Variants in VAV3 observed in about 807,000 individuals in gnomAD.
VAV3 encodes the protein vav guanine nucleotide exchange factor 3.
Under a neutral mutation model 131.2 loss-of-function variants are expected in VAV3, and 94 were observed. The observed-to-expected ratio is 0.72, with a 90% CI of 0.61 to 0.85. The LOEUF is 0.85. Among genes scored for constraint, VAV3 ranks in the 40% least tolerant of loss-of-function variants. The probability of loss-of-function intolerance (pLI) is 0.00; values close to 1 mark genes in which losing one functional copy is unlikely to be tolerated. For synonymous variants in VAV3, 349 were observed against 342.0 expected, an observed-to-expected ratio of 1.02 and a Z score of -0.22; for missense variants, 939 against 1,002.7, an observed-to-expected ratio of 0.94 and a Z score of 0.86.
At chr1:107,772,694 A>G in intron 5 of VAV3, 41 bp downstream of exon 5, 2 of 1,523,298 alleles carry the variant, frequency 1.3e-6, no homozygotes, top group East Asian at 2.3e-5. Flanking sequence ...CTTTCCTAAT[A>G]AAATATTCAG....
At chr1:107,772,103 C>A (rs1437311130) in intron 5 of VAV3, among the ~76,000 whole-genome samples, 1 of 152,156 alleles carries the variant, frequency 6.6e-6, no homozygotes, top group African/African-American at 2.4e-5. Flanking sequence ...TTATTAAGAA[C>A]CTAAGCAACT....
At chr1:107,702,415 G>A (rs1325280126) in intron 17 of VAV3, among the ~76,000 whole-genome samples, 1 of 152,166 alleles carries the variant, frequency 6.6e-6, no homozygotes, top group Non-Finnish European at 1.5e-5. Flanking sequence ...CATAAGGGAA[G>A]AAACCAATAC....
chr1:107,861,576 C>T (rs934053613), intron 2 of VAV3, among the ~76,000 whole-genome samples: 1 of 151,310 alleles, frequency 6.6e-6, no homozygotes, highest in Non-Finnish European at 1.5e-5. Flanking sequence ...ATTACTCTAC[C>T]CAATCCATAT....
intron 17 of VAV3, among the ~76,000 whole-genome samples, chr1:107,692,042 A>G (rs1659461249): frequency 6.6e-6 from 1 of 152,168 alleles, no homozygotes; most frequent in South Asian, 2.1e-4. Flanking sequence ...TTCAGACTAA[A>G]CACATCAATG....
Position 107,781,956 on chromosome 1 carries a change from T to A in VAV3, c.322-2464A>T, listed in dbSNP as rs997422687. ...TTGCTAAAATACCAAAATTATTCAC[T>A]ATTAAGCGAAAAGTCTAACTTTGGG... On this transcript the variant is annotated intron_variant, in intron 2 of 26. Transcript: ENST00000370056. Among the ~76,000 whole-genome samples, 4 of 152,332 alleles carry A rather than the reference T, an allele frequency of 2.6e-5. No individual in the cohort carries two copies. The East Asian group carries it at 7.7e-4, about 29-fold the overall frequency.
intron 2 of VAV3, among the ~76,000 whole-genome samples, chr1:107,790,499 CAGAGG>C (rs1166772803): frequency 6.6e-6 from 1 of 152,122 alleles, no homozygotes; most frequent in Admixed American, 6.5e-5. Context: ...CACACAGTGC[CAGAGG>C]AGAGGAGAAG....
intron 15 of VAV3, among the ~76,000 whole-genome samples, chr1:107,741,526 A>T (rs1197862538): frequency 6.6e-6 from 1 of 152,226 alleles, no homozygotes; most frequent in Non-Finnish European, 1.5e-5. Context: ...GCATGACATA[A>T]GCCCCACTGT....
At chr1:107,621,408 G>C (rs916610004) in intron 20 of VAV3, among the ~76,000 whole-genome samples, 2 of 151,946 alleles carry the variant, frequency 1.3e-5, no homozygotes, top group Admixed American at 1.3e-4. Context: ...TCAAAACAAA[G>C]TAGTGTGTAG....
At chr1:107,843,491 AATT>A (rs1280969407) in intron 2 of VAV3, among the ~76,000 whole-genome samples, 1 of 148,894 alleles carries the variant, frequency 6.7e-6, no homozygotes, top group African/African-American at 2.5e-5. Flanking sequence ...TTTGTCTTAG[AATT>A]ACACTGTTGA....
intron 1 of VAV3, among the ~76,000 whole-genome samples, chr1:107,892,427 G>A (rs1179119256): frequency 6.6e-6 from 1 of 152,148 alleles, no homozygotes; most frequent in African/African-American, 2.4e-5. Flanking sequence ...CACAGTCCAA[G>A]GAGCAGCTTT....
chr1:107,749,617 T>C, intron 13 of VAV3, 23 bp from the exon 14 acceptor site: 2 of 1,605,958 alleles, frequency 1.2e-6, no homozygotes, highest in Non-Finnish European at 1.7e-6. Context: ...GATTGATTGA[T>C]TGATTTTAAA....
chr1:107,832,543 C>T (rs530087837), intron 2 of VAV3, among the ~76,000 whole-genome samples: 26 of 152,282 alleles, frequency 1.7e-4, no homozygotes, highest in African/African-American at 6.0e-4. Flanking sequence ...TCATTTCTAT[C>T]TGAGTCTTTT....
chr1:107,775,318 C>T (rs1443696247), intron 4 of VAV3, among the ~76,000 whole-genome samples: 3 of 152,122 alleles, frequency 2.0e-5, no homozygotes, highest in Admixed American at 6.5e-5. Context: ...CAGTGGTTCA[C>T]ACCTGTAGTC....
intron 1 of VAV3, among the ~76,000 whole-genome samples, chr1:107,902,055 CA>C (rs946820186): frequency 6.8e-6 from 1 of 147,656 alleles, no homozygotes; most frequent in South Asian, 2.2e-4. Context: ...AAAAAAAAAA[CA>C]AAAAAAACAA....
intron 21 of VAV3, among the ~76,000 whole-genome samples, chr1:107,610,607 AT>A (rs1652654812): frequency 6.6e-6 from 1 of 152,150 alleles, no homozygotes; most frequent in African/African-American, 2.4e-5. Flanking sequence ...GAAAAAAGGC[AT>A]GGAAAATACT....
chr1:107,886,263 G>A (rs905528872), intron 1 of VAV3, among the ~76,000 whole-genome samples: 5 of 152,164 alleles, frequency 3.3e-5, no homozygotes, highest in East Asian at 1.9e-4. Flanking sequence ...CACATAACCC[G>A]ATGAAGAAGA....
At chr1:107,815,133 T>G (rs1340945960) in intron 2 of VAV3, among the ~76,000 whole-genome samples, 1 of 152,254 alleles carries the variant, frequency 6.6e-6, no homozygotes, top group Non-Finnish European at 1.5e-5. Flanking sequence ...TCACTTCGGC[T>G]GCTGTGTATC....
intron 25 of VAV3, among the ~76,000 whole-genome samples, chr1:107,595,425 T>C (rs1192626201): frequency 1.6e-5 from 1 of 63,184 alleles, no homozygotes; most frequent in African/African-American, 4.6e-5. Flanking sequence ...GATATCCCAG[T>C]GTTGCTTAGG....
intron 2 of VAV3, among the ~76,000 whole-genome samples, chr1:107,858,480 C>T (rs536810743): frequency 2.4e-4 from 37 of 152,120 alleles, no homozygotes; most frequent in Non-Finnish European, 4.7e-4. Flanking sequence ...AGACCAGTAC[C>T]AGTCTGGTAC....
Sources: gnomAD v4.1 joint callset for allele counts (sites outside exome capture counted in the v4.1 genomes callset) on GRCh38, gnomAD v4.1.1 for gene constraint, MANE v1.5 for transcripts, NCBI Gene and HGNC (gene_info 2026-07-23, HGNC 2026-07-21) for gene names.